Variants in SAMD12 observed in about 807,000 individuals in gnomAD.
SAMD12 encodes the protein sterile alpha motif domain-containing protein 12.
Under a neutral mutation model 15.0 loss-of-function variants are expected in SAMD12, and 9 were observed. The observed-to-expected ratio is 0.60, with a 90% CI of 0.36 to 1.05. The LOEUF is 1.05. Among genes scored for constraint, SAMD12 ranks in the 50% least tolerant of loss-of-function variants. The probability of loss-of-function intolerance (pLI) is 0.01; values close to 1 mark genes in which losing one functional copy is unlikely to be tolerated. For missense variants in SAMD12, 230 were observed against 234.2 expected, an observed-to-expected ratio of 0.98 and a Z score of 0.12; for synonymous variants, 86 against 90.1, an observed-to-expected ratio of 0.96 and a Z score of 0.25.
intron 2 of SAMD12, among the ~76,000 whole-genome samples, chr8:118,541,246 C>A (rs1379486637): frequency 6.6e-6 from 1 of 152,180 alleles, no homozygotes; most frequent in African/African-American, 2.4e-5. Flanking sequence ...CAAAGTCATA[C>A]AAGAATGAAA....
At chr8:118,440,375 T>C (rs1822704028) in intron 2 of SAMD12, among the ~76,000 whole-genome samples, 1 of 152,164 alleles carries the variant, frequency 6.6e-6, no homozygotes. Flanking sequence ...AGCACAACAC[T>C]GGCTCCAGGA....
rs11562797 is a variant in SAMD12 at position 118,230,123 on chromosome 8, T to C, written c.434-32391A>G. On this transcript the variant is annotated intron_variant, in intron 4 of 4. Transcript: ENST00000409003. ...AGAGGGAGTAAAAGGAGTAGGAGGG[T>C]AACAATGATAATAGGAGCCAACGTT... Among the ~76,000 whole-genome samples the C allele has an allele frequency of 3.5e-3, 528 of 151,998 alleles. 8 individuals are homozygous for C. Among genetic ancestry groups the C allele is most frequent in the East Asian group, 0.028 (146 of 5,150 alleles).
chr8:118,604,847 G>C (rs187753147), intron 1 of SAMD12, among the ~76,000 whole-genome samples: 2 of 152,086 alleles, frequency 1.3e-5, no homozygotes, highest in South Asian at 4.2e-4. Context: ...GCATGAACCC[G>C]GGGGACGGAG....
chr8:118,483,033 T>C (rs2515014), intron 2 of SAMD12, among the ~76,000 whole-genome samples: 1 of 152,126 alleles, frequency 6.6e-6, no homozygotes, highest in Non-Finnish European at 1.5e-5. Context: ...ATCTTTGCCA[T>C]CCATCTCAAT....
chr8:118,461,075 C>T (rs1014782878), intron 2 of SAMD12, among the ~76,000 whole-genome samples: 1 of 152,176 alleles, frequency 6.6e-6, no homozygotes, highest in Non-Finnish European at 1.5e-5. Context: ...TAAATATAAC[C>T]TCTATTAGAT....
At chr8:118,185,413 A>G (rs947241968), downstream of SAMD12, among the ~76,000 whole-genome samples, 1 of 152,030 alleles carries the variant, frequency 6.6e-6, no homozygotes, top group Non-Finnish European at 1.5e-5. Context: ...AGAGTCCCCA[A>G]AGTCCATTAT....
At chr8:118,500,721 G>A (rs527899109) in intron 2 of SAMD12, among the ~76,000 whole-genome samples, 2 of 152,080 alleles carry the variant, frequency 1.3e-5, no homozygotes, top group South Asian at 2.1e-4. Context: ...TAGAAGAATC[G>A]CTTGAACCCA....
chr8:118,204,761 GA>G (rs1030246307), intron 4 of SAMD12, among the ~76,000 whole-genome samples: 1 of 151,410 alleles, frequency 6.6e-6, no homozygotes, highest in African/African-American at 2.4e-5. Context: ...CTCAAAAAAA[GA>G]AAAAAAGAAA....
intron 2 of SAMD12, among the ~76,000 whole-genome samples, chr8:118,503,334 A>G (rs1262573582): frequency 6.6e-6 from 1 of 152,182 alleles, no homozygotes; most frequent in African/African-American, 2.4e-5. Context: ...AACTTAAGTG[A>G]TTATTTCTGG....
intron 3 of SAMD12, among the ~76,000 whole-genome samples, chr8:118,437,442 G>A (rs1563859649): frequency 6.6e-6 from 1 of 152,126 alleles, no homozygotes; most frequent in South Asian, 2.1e-4. Context: ...CATGTTTTTC[G>A]ACACTTCCAG....
intron 4 of SAMD12, among the ~76,000 whole-genome samples, chr8:118,251,791 C>A (rs1465545269): frequency 6.6e-6 from 1 of 152,094 alleles, no homozygotes; most frequent in Non-Finnish European, 1.5e-5. Context: ...CCTTGTCTCT[C>A]ACTGATACAG....
At chr8:118,529,140 A>G (rs541037759) in intron 2 of SAMD12, among the ~76,000 whole-genome samples, 1 of 152,312 alleles carries the variant, frequency 6.6e-6, no homozygotes, top group East Asian at 1.9e-4. Flanking sequence ...AGGTTGAAAG[A>G]AGAGAAAACC....
intron 4 of SAMD12, among the ~76,000 whole-genome samples, chr8:118,237,557 T>C (rs1812463065): frequency 6.6e-6 from 1 of 152,032 alleles, no homozygotes; most frequent in Non-Finnish European, 1.5e-5. Context: ...GCCCTGTCTA[T>C]GGGAATGCCA....
the SAMD12 span, among the ~76,000 whole-genome samples, chr8:118,144,713 G>A: frequency 6.6e-6 from 1 of 151,960 alleles, no homozygotes; most frequent in Admixed American, 6.6e-5. Context: ...AAGAAGATAA[G>A]GGAAAAGAAG....
chr8:118,492,307 G>C (rs1383294425), intron 2 of SAMD12, among the ~76,000 whole-genome samples: 1 of 151,750 alleles, frequency 6.6e-6, no homozygotes, highest in Non-Finnish European at 1.5e-5. Flanking sequence ...AAAAAAATTG[G>C]GTTGTTTCTA....
At chr8:118,526,450 T>C (rs1825540118) in intron 2 of SAMD12, among the ~76,000 whole-genome samples, 1 of 152,076 alleles carries the variant, frequency 6.6e-6, no homozygotes, top group Admixed American at 6.5e-5. Flanking sequence ...CTTTGGTAGC[T>C]CTGGGATGAA....
At chr8:118,498,234 G>A (rs186938143) in intron 2 of SAMD12, among the ~76,000 whole-genome samples, 5 of 152,280 alleles carry the variant, frequency 3.3e-5, no homozygotes, top group Admixed American at 3.3e-4. Context: ...CCAAGTCACA[G>A]GAACAGTCTC....
chr8:118,197,545 C>T (rs749399029), exon 5 of SAMD12: 3 of 712,318 alleles, frequency 4.2e-6, no homozygotes, highest in Admixed American at 4.5e-5. Flanking sequence ...AAGATTTTTC[C>T]AAAACCCATA....
rs146366786 is a variant in SAMD12 at position 118,392,011 on chromosome 8, G to A, written c.323-12311C>T. Among the ~76,000 whole-genome samples the A allele has an allele frequency of 8.6e-3, 1,313 of 151,968 alleles. 15 individuals carry two copies. Among genetic ancestry groups the A allele is most frequent in the Non-Finnish European group, 0.012 (824 of 67,998 alleles). ...GCTGGATTAGCCAGTCATTAGCTAC[G>A]TGGTCATTGTTGTGATAATTTACCT... On this transcript the variant is annotated intron_variant, in intron 3 of 3. Transcript: ENST00000314727.
Sources: gnomAD v4.1 joint callset for allele counts (sites outside exome capture counted in the v4.1 genomes callset) on GRCh38, gnomAD v4.1.1 for gene constraint, MANE v1.5 for transcripts, NCBI Gene and HGNC (gene_info 2026-07-23, HGNC 2026-07-21) for gene names.